RASAL2: variants seen among roughly 807,000 people sequenced by gnomAD.
RASAL2 encodes the protein ras GTPase-activating protein nGAP.
RASAL2 carries 58 observed loss-of-function variants against 128.9 expected under a neutral mutation model. The ratio of observed to expected loss-of-function variants is 0.45; its 90% CI spans 0.36 to 0.56. The LOEUF is 0.56. RASAL2 is among the 20% of genes least tolerant of loss of function. The pLI is 0.00. For missense variants in RASAL2, 1,360 were observed against 1,601.6 expected, an observed-to-expected ratio of 0.85 and a Z score of 2.57; for synonymous variants, 561 against 580.8, an observed-to-expected ratio of 0.97 and a Z score of 0.49.
At chr1:178,262,269 C>A (rs1665733467) in intron 1 of RASAL2, among the ~76,000 whole-genome samples, 1 of 152,094 alleles carries the variant, frequency 6.6e-6, no homozygotes, top group Non-Finnish European at 1.5e-5. Context: ...TTAAAGTTCC[C>A]AGTATCCTTG....
intron 1 of RASAL2, among the ~76,000 whole-genome samples, chr1:178,208,483 T>C (rs1263313104): frequency 1.3e-5 from 2 of 152,076 alleles, no homozygotes; most frequent in African/African-American, 4.8e-5. Flanking sequence ...GGAAAAAAAC[T>C]CCGCGCTAGT....
At chr1:178,357,482 A>T (rs576325196) in intron 3 of RASAL2, among the ~76,000 whole-genome samples, 1 of 151,958 alleles carries the variant, frequency 6.6e-6, no homozygotes, top group South Asian at 2.1e-4. Context: ...TATTTTAATG[A>T]TTATAGATTT....
rs779895121 is a variant in RASAL2 at position 178,452,565 on chromosome 1, A to G, written c.1922A>G (p.Asn641Ser). Residue 641 changes from asparagine (N) to serine (S), a missense_variant, in exon 11 of 18, where the codon AAC (asparagine) becomes AGC (serine). Asn to Ser is a conservative substitution (Grantham distance 46). Coordinates refer to ENST00000367649, the MANE Select transcript of RASAL2 (RefSeq NM_170692.4). ...CPAIMSPSLFNLMQEYPDDRT... is the reference protein window; with the variant it reads ...CPAIMSPSLFSLMQEYPDDRT... ...GCCATTATGTCTCCCAGTCTTTTCA[A>G]CCTTATGCAGGAGTATCCTGATGAC... 18 of 1,613,984 alleles carry G rather than the reference A, an allele frequency of 1.1e-5. No individual in the cohort carries two copies. Among genetic ancestry groups the G allele is most frequent in the Non-Finnish European group, 1.5e-5 (18 of 1,179,944 alleles).
intron 3 of RASAL2, among the ~76,000 whole-genome samples, chr1:178,357,744 T>TA (rs1670886481): frequency 6.6e-6 from 1 of 152,212 alleles, no homozygotes; most frequent in South Asian, 2.1e-4. Context: ...TAACTTTATA[T>TA]AAAGAGCATG....
At chr1:178,243,479 C>T (rs1664614986) in intron 1 of RASAL2, among the ~76,000 whole-genome samples, 1 of 151,986 alleles carries the variant, frequency 6.6e-6, no homozygotes, top group Admixed American at 6.6e-5. Context: ...ACCTGAATCT[C>T]TCACTGGGGA....
intron 8 of RASAL2, 83 bp downstream of exon 8, chr1:178,443,312 A>T: frequency 2.4e-6 from 3 of 1,240,794 alleles, no homozygotes; most frequent in Non-Finnish European, 3.3e-6. Flanking sequence ...TAGAAATCCA[A>T]ATTAGAGAAA....
At chr1:178,368,414 C>T (rs1156390387) in intron 3 of RASAL2, among the ~76,000 whole-genome samples, 1 of 152,120 alleles carries the variant, frequency 6.6e-6, no homozygotes, top group Non-Finnish European at 1.5e-5. Flanking sequence ...TGTGTATATG[C>T]ATATATACAG....
At position 178,478,381 on chromosome 1, in the gene RASAL2, AG is replaced by A. The variant is rs1031767293; in HGVS notation, c.*5143del. The A allele has an allele frequency of 6.6e-6, 1 of 152,246 alleles. No homozygotes were observed. The highest frequency in any genetic ancestry group is 2.4e-5 in the African/African-American group (1 of 41,470). The allele number at this position is 152,246 out of a possible 1,614,324, so 9.4% of individuals were successfully genotyped here. A position where few individuals can be genotyped will look rare whatever the true frequency, so the allele number is the denominator to read the frequency against. Reference sequence around the variant, plus strand: ...ATGACCACCTTCAGGAAAGTTAAATAGTAAATTAGGTTAAATTTTGACTGGT... The same window carrying A: ...ATGACCACCTTCAGGAAAGTTAAATATAAATTAGGTTAAATTTTGACTGGT... On this transcript the variant is annotated 3_prime_UTR_variant, in exon 18 of 18. Transcript: ENST00000367649.
At chr1:178,412,006 C>T in intron 4 of RASAL2, 1 of 540,254 alleles carries the variant, frequency 1.9e-6, no homozygotes, top group Non-Finnish European at 3.4e-6. Flanking sequence ...GCTGTGGTCA[C>T]CGTCTGTGAA....
In RASAL2 at chr1:178,465,747, A is replaced by G. The variant is rs114065521; in HGVS notation, c.3388-173A>G. Among the ~76,000 whole-genome samples the G allele has an allele frequency of 8.3e-3, 1,256 of 152,190 alleles. 14 individuals are homozygous for G. The highest frequency in any genetic ancestry group is 0.017 in the Middle Eastern group (5 of 294). ...AATTATAAAGAATATTAAGAACAGT[A>G]TAGGGAATGACAGCACAGCCAGCAT... On this transcript the variant is annotated intron_variant, in intron 15 of 17. Transcript: ENST00000367649.
intron 1 of RASAL2, among the ~76,000 whole-genome samples, chr1:178,266,745 T>C (rs1294114060): frequency 6.6e-6 from 1 of 152,168 alleles, no homozygotes; most frequent in Non-Finnish European, 1.5e-5. Flanking sequence ...CTTATTTGCA[T>C]AGGGCTCAGG....
chr1:178,374,123 C>T lies in RASAL2; in HGVS notation c.458-15977C>T, dbSNP rs181576513. ...TTTTAGGATTGAAGCTCTCTCCTGA[C>T]CATAGGCAGCAAACACCTCCATCTG... On this transcript the variant is annotated intron_variant, in intron 3 of 17. Transcript: ENST00000367649. Among the ~76,000 whole-genome samples, 18 of 152,216 alleles carry T rather than the reference C, an allele frequency of 1.2e-4. No individual in the cohort carries two copies. In the East Asian group the frequency reaches 3.3e-3, roughly 28 times the overall value.
At position 178,095,259 on chromosome 1, in the gene RASAL2, G is replaced by A. The variant is rs1208102545; in HGVS notation, c.202+565G>A. The stretch of plus-strand genomic sequence containing the variant: ...GATTACACTATTGTTTCTGAATCTC[G>A]TTGTAAAGTGACTGGGTTGCCACTC... On this transcript the variant is annotated intron_variant, in intron 1 of 17. Transcript: ENST00000367649. Among the ~76,000 whole-genome samples the A allele has an allele frequency of 3.9e-5, 6 of 152,150 alleles. No homozygotes were observed. The South Asian group carries it at 8.3e-4, about 21-fold the overall frequency.
intron 1 of RASAL2, among the ~76,000 whole-genome samples, chr1:178,104,189 A>G (rs962946391): frequency 1.3e-5 from 2 of 152,128 alleles, no homozygotes; most frequent in African/African-American, 4.8e-5. Context: ...ATTTTTTGAA[A>G]GATGGCTTTC....
intron 1 of RASAL2, among the ~76,000 whole-genome samples, chr1:178,119,553 G>T (rs1659640051): frequency 6.6e-6 from 1 of 152,194 alleles, no homozygotes; most frequent in Non-Finnish European, 1.5e-5. Context: ...AAGCTGTCCA[G>T]TCATGGCAGT....
At chr1:178,100,203 A>C (rs1658839907) in intron 1 of RASAL2, among the ~76,000 whole-genome samples, 1 of 151,890 alleles carries the variant, frequency 6.6e-6, no homozygotes, top group African/African-American at 2.4e-5. Context: ...TTTTCAGATA[A>C]TAACATTTAC....
chr1:178,115,432 A>G (rs1186735190), intron 1 of RASAL2, among the ~76,000 whole-genome samples: 1 of 152,156 alleles, frequency 6.6e-6, no homozygotes. Context: ...AGTAGGAAAG[A>G]CCTTCTGGAG....
At chr1:178,404,684 A>G (rs529322485) in intron 4 of RASAL2, among the ~76,000 whole-genome samples, 19 of 110,350 alleles carry the variant, frequency 1.7e-4, no homozygotes, top group Admixed American at 1.3e-3. Flanking sequence ...TGGCCCCCCA[A>G]TTTTTTTTTT....
chr1:178,340,209 A>G (rs1409153300), intron 3 of RASAL2, among the ~76,000 whole-genome samples: 1 of 152,196 alleles, frequency 6.6e-6, no homozygotes, highest in Non-Finnish European at 1.5e-5. Context: ...TGATAGATAC[A>G]GTGTATGTGT....
Sources: allele counts gnomAD v4.1 joint callset (sites outside exome capture counted in the v4.1 genomes callset), GRCh38; gene constraint gnomAD v4.1.1; transcripts MANE v1.5; gene names NCBI Gene and HGNC (gene_info 2026-07-23, HGNC 2026-07-21).